The following PRKN variants were observed in gnomAD, a reference collection of about 807,000 sequenced individuals.
PRKN encodes the protein parkin RBR E3 ubiquitin protein ligase.
PRKN carries 56 observed loss-of-function variants against 59.5 expected under a neutral mutation model. The observed-to-expected ratio is 0.94, with a 90% CI of 0.76 to 1.18. The LOEUF (loss-of-function observed/expected upper bound fraction) is 1.18. Among genes scored for constraint, PRKN ranks in the 50% most tolerant of loss-of-function variants. The pLI is 0.00. For missense variants in PRKN, 657 were observed against 596.4 expected, an observed-to-expected ratio of 1.10 and a Z score of -1.06; for synonymous variants, 250 against 222.1, an observed-to-expected ratio of 1.13 and a Z score of -1.12.
chr6:162,667,068 T>C (rs1460384411), intron 1 of PRKN, among the ~76,000 whole-genome samples: 2 of 152,112 alleles, frequency 1.3e-5, no homozygotes, highest in African/African-American at 2.4e-5. Context: ...AAAATTATCA[T>C]TTGAAAGACA....
At position 162,469,266 on chromosome 6, in the gene PRKN, T is replaced by C. The variant is rs369934277; in HGVS notation, c.8-25793A>G. On this transcript the variant is annotated intron_variant, in intron 1 of 11. Transcript: ENST00000366898. ...GAGGCGGTCGAGATGGACACGAGGA[T>C]CCTTGCTGCAACAGCCAATGGTGTT... is the stretch of plus-strand genomic sequence containing the variant. 1.6e-4 allele frequency among the ~76,000 whole-genome samples: 22 copies of C among 141,714 alleles called. 1 individual carries two copies. In the East Asian group the frequency reaches 3.9e-3, roughly 25 times the overall value. The allele number at this position is 141,714 out of a possible 152,430, so 93.0% of individuals were successfully genotyped here.
intron 1 of PRKN, among the ~76,000 whole-genome samples, chr6:162,719,392 G>GAGA (rs1391647802): frequency 3.9e-5 from 6 of 152,022 alleles, no homozygotes; most frequent in African/African-American, 1.4e-4. Context: ...GGACTTTCAG[G>GAGA]AGAAAGGAGG....
intron 3 of PRKN, among the ~76,000 whole-genome samples, chr6:162,236,744 G>A (rs58925858): frequency 0.11 from 16,686 of 151,862 alleles, 1,602 homozygotes; most frequent in East Asian, 0.49. Context: ...GCAGTGAGCC[G>A]AGATTGCACC....
At chr6:161,611,867 GCA>G (rs1782499880) in intron 7 of PRKN, among the ~76,000 whole-genome samples, 1 of 152,228 alleles carries the variant, frequency 6.6e-6, no homozygotes, top group Non-Finnish European at 1.5e-5. Flanking sequence ...AACTGGGAAT[GCA>G]AACCAGGAGC....
chr6:162,132,493 T>C (rs1781404601), intron 4 of PRKN, among the ~76,000 whole-genome samples: 1 of 152,150 alleles, frequency 6.6e-6, no homozygotes, highest in African/African-American at 2.4e-5. Flanking sequence ...AATATTTCAA[T>C]CTACACGATG....
intron 5 of PRKN, among the ~76,000 whole-genome samples, chr6:162,010,840 A>ATATT (rs1782579110): frequency 8.6e-5 from 1 of 11,618 alleles, no homozygotes; most frequent in East Asian, 7.5e-3. Flanking sequence ...TATATTATAT[A>ATATT]ATACATAATA....
Position 161,483,013 on chromosome 6 carries a change from GA to G in PRKN, c.1083+65840del, listed in dbSNP as rs1362437762. ...TTTAATCACGAAGTCTGGCAGTACA[GA>G]ATTCTTCCTTCTCCCTCGGCTTCTT... On this transcript the variant is annotated intron_variant, in intron 9 of 11. Transcript: ENST00000366898. The surrounding 1 kb of genome is among the most constrained non-coding windows in gnomAD (Gnocchi z 5.0). Among the ~76,000 whole-genome samples the G allele has an allele frequency of 6.6e-6, 1 of 152,130 alleles. No homozygotes were observed. The highest frequency in any genetic ancestry group is 1.5e-5 in the Non-Finnish European group (1 of 68,032).
At chr6:161,543,391 C>T (rs374071341) in intron 9 of PRKN, among the ~76,000 whole-genome samples, 4 of 152,118 alleles carry the variant, frequency 2.6e-5, no homozygotes, top group South Asian at 4.1e-4. Flanking sequence ...TTATAATTTT[C>T]GAAACCCTTT....
intron 2 of PRKN, among the ~76,000 whole-genome samples, chr6:162,322,145 G>A (rs1396904300): frequency 2.6e-5 from 4 of 151,714 alleles, no homozygotes; most frequent in Admixed American, 6.6e-5. Context: ...CAATTATCTC[G>A]GTTATAAAGT....
At chr6:162,209,443 G>C (rs1785097927) in intron 3 of PRKN, among the ~76,000 whole-genome samples, 1 of 152,138 alleles carries the variant, frequency 6.6e-6, no homozygotes. Context: ...TCACTAAAAA[G>C]TCAGAAAACA....
rs375596686 is a variant in PRKN, at chr6:161,802,437, C to T, written c.735-16529G>A. 4.0e-4 allele frequency among the ~76,000 whole-genome samples: 60 copies of T among 151,284 alleles called. No individual in the cohort carries two copies. In the East Asian group the frequency reaches 0.011, roughly 27 times the overall value. On this transcript the variant is annotated intron_variant, in intron 6 of 11. Transcript: ENST00000366898. The stretch of plus-strand genomic sequence containing the variant: ...ACACAAGCCCCACATGACCCACACA[C>T]GCCCCACACACACACCCCACATATG...
At chr6:162,175,254 T>C (rs1783479064) in intron 4 of PRKN, among the ~76,000 whole-genome samples, 1 of 152,206 alleles carries the variant, frequency 6.6e-6, no homozygotes, top group African/African-American at 2.4e-5. Context: ...ATTAAAATGC[T>C]TGAATCACGT....
intron 2 of PRKN, among the ~76,000 whole-genome samples, chr6:162,298,565 C>T (rs1362375115): frequency 6.6e-6 from 1 of 151,886 alleles, no homozygotes; most frequent in East Asian, 1.9e-4. Context: ...GAAGATATTT[C>T]CCCCTCAGGA....
chr6:162,192,334 A>C (rs1784313697), intron 4 of PRKN, among the ~76,000 whole-genome samples: 1 of 151,946 alleles, frequency 6.6e-6, no homozygotes, highest in Non-Finnish European at 1.5e-5. Context: ...AATGATATGC[A>C]TATGTGAAAT....
intron 1 of PRKN, among the ~76,000 whole-genome samples, chr6:162,448,276 T>A (rs1790418306): frequency 6.6e-6 from 1 of 152,166 alleles, no homozygotes; most frequent in African/African-American, 2.4e-5. Flanking sequence ...GAACTATCAC[T>A]AAATCTAGTA....
intron 6 of PRKN, among the ~76,000 whole-genome samples, chr6:161,920,440 A>C (rs1001415362): frequency 6.6e-6 from 1 of 152,122 alleles, no homozygotes; most frequent in Non-Finnish European, 1.5e-5. Flanking sequence ...ATGTCTATCT[A>C]AACACATGTG....
intron 7 of PRKN, among the ~76,000 whole-genome samples, chr6:161,600,893 A>T (rs1217262765): frequency 6.6e-6 from 1 of 152,152 alleles, no homozygotes; most frequent in Non-Finnish European, 1.5e-5. Context: ...ATTCAAAACC[A>T]CTATTACCCA....
In PRKN at chr6:162,054,109, G is replaced by C. The variant is rs72480421; in HGVS notation, c.600C>G (p.His200Gln). The change falls in exon 5 of 12, where the codon CAC (histidine) becomes CAG (glutamine). Residue 200 changes from histidine (H) to glutamine (Q), a missense_variant. By Grantham distance (24) the His-to-Gln change is conservative (BLOSUM62 0). Transcript: ENST00000366898. ...NRMSGECQSP[H>Q]CPGTSAEFFF... Reference sequence around the variant, plus strand: ...TACTTACTGCACTAGTCCCAGGGCAGTGTGGGGATTGGCATTCACCACTCA... The same window carrying C: ...TACTTACTGCACTAGTCCCAGGGCACTGTGGGGATTGGCATTCACCACTCA... The C allele has an allele frequency of 1.9e-6, 3 of 1,610,432 alleles. No individual in the cohort carries two copies. Among genetic ancestry groups the C allele is most frequent in the Non-Finnish European group, 2.5e-6 (3 of 1,176,642 alleles).
At chr6:162,346,134 C>T (rs1784394457) in intron 2 of PRKN, among the ~76,000 whole-genome samples, 1 of 152,108 alleles carries the variant, frequency 6.6e-6, no homozygotes. Context: ...GTAAATTACC[C>T]AGGCTGTGGT....
Sources: gnomAD v4.1 joint callset for allele counts (sites outside exome capture counted in the v4.1 genomes callset) on GRCh38, gnomAD v4.1.1 for gene constraint, Gnocchi (gnomAD v3.1) non-coding constraint, MANE v1.5 for transcripts, NCBI Gene and HGNC (gene_info 2026-07-23, HGNC 2026-07-21) for gene names.